The following KIF13A variants were observed in gnomAD, a reference collection of about 807,000 sequenced individuals.
KIF13A encodes the protein kinesin-like protein KIF13A.
In KIF13A, 79 loss-of-function variants were observed where a neutral mutation model predicts 212.2. The ratio of observed to expected loss-of-function variants is 0.37; its 90% CI spans 0.31 to 0.45. The LOEUF is 0.45. Ranked by LOEUF, KIF13A falls within the 20% of genes least tolerant of loss-of-function variation. KIF13A has a pLI of 1.00. For missense variants in KIF13A, 1,901 were observed against 2,209.0 expected, an observed-to-expected ratio of 0.86 and a Z score of 2.79; for synonymous variants, 789 against 808.6, an observed-to-expected ratio of 0.98 and a Z score of 0.41.
At chr6:17,979,267 T>C (rs1780849696) in intron 2 of KIF13A, among the ~76,000 whole-genome samples, 1 of 152,190 alleles carries the variant, frequency 6.6e-6, no homozygotes. Context: ...CACTCCAGCC[T>C]AGGCGACAGA....
chr6:17,781,594 G>C (rs1760585071), intron 29 of KIF13A, among the ~76,000 whole-genome samples: 1 of 149,968 alleles, frequency 6.7e-6, no homozygotes, highest in African/African-American at 2.4e-5. Context: ...CAATGTGCTG[G>C]GATTACAGGG....
At chr6:17,827,079 A>T (rs968527383) in intron 14 of KIF13A, among the ~76,000 whole-genome samples, 5 of 145,224 alleles carry the variant, frequency 3.4e-5, no homozygotes, top group Admixed American at 6.8e-5. Context: ...ATTAAAAAAA[A>T]AATAAATAAA....
chr6:17,833,166 C>T (rs977338005), intron 12 of KIF13A, among the ~76,000 whole-genome samples: 1 of 151,826 alleles, frequency 6.6e-6, no homozygotes, highest in South Asian at 2.1e-4. Flanking sequence ...CCAAACTGTA[C>T]ATTGATAAAA....
chr6:17,938,766 T>C (rs1206377488), intron 2 of KIF13A, among the ~76,000 whole-genome samples: 2 of 152,082 alleles, frequency 1.3e-5, no homozygotes, highest in Non-Finnish European at 2.9e-5. Context: ...AGGATTTCCT[T>C]AAATCATCAA....
At position 17,909,419 on chromosome 6, in the gene KIF13A, C is replaced by T. The variant is rs1472684616; in HGVS notation, c.147-11239G>A. 2.0e-5 allele frequency among the ~76,000 whole-genome samples: 3 copies of T among 151,620 alleles called. No individual in the cohort carries two copies. In the South Asian group the frequency reaches 6.2e-4, roughly 32 times the overall value. ...GGTGTGGTGGCGCGTGCCTGTAGATCCAGCTACTTGGGAGGTTGAGGCAGG... is the reference window on the plus strand; with the variant it reads ...GGTGTGGTGGCGCGTGCCTGTAGATTCAGCTACTTGGGAGGTTGAGGCAGG... On this transcript the variant is annotated intron_variant, in intron 2 of 38. Transcript: ENST00000259711.
rs1325078562 is a variant in KIF13A, at chr6:17,919,824, C to CCAG, written c.147-21647_147-21645dup. 6.6e-6 allele frequency among the ~76,000 whole-genome samples: 1 copy of CCAG among 152,134 alleles called. No individual in the cohort carries two copies. Among genetic ancestry groups the CCAG allele is most frequent in the Non-Finnish European group, 1.5e-5 (1 of 68,022 alleles). Reference sequence around the variant, plus strand: ...AAATAATGGATGCTCATGATGACATCCAGCAGCCTCTGGCTCTGCTACGAC... The same window carrying CCAG: ...AAATAATGGATGCTCATGATGACATCCAGCAGCAGCCTCTGGCTCTGCTACGAC... On this transcript the variant is annotated intron_variant, in intron 2 of 38. Transcript: ENST00000259711. The surrounding 1 kb of genome is among the most constrained non-coding windows in gnomAD (Gnocchi z 4.1).
At position 17,785,745 on chromosome 6, in the gene KIF13A, T is replaced by G; in HGVS notation, c.3362-104A>C. 2 of 1,195,246 alleles carry G rather than the reference T, an allele frequency of 1.7e-6. No homozygotes were observed. Among genetic ancestry groups the G allele is most frequent in the South Asian group, 1.5e-5 (1 of 67,990 alleles). The allele number at this position is 1,195,246 out of a possible 1,614,324, so 74.0% of individuals were successfully genotyped here. On this transcript the variant is annotated intron_variant, in intron 27 of 38. Transcript: ENST00000259711. This position sits in a 1 kb window ranked among gnomAD's most constrained non-coding sequence, Gnocchi z 5.8. ...CTGGGCAACATAGTGAGACCCCATC[T>G]CTACCAAAAAAAAAAAAATAGTTGG...
intron 4 of KIF13A, among the ~76,000 whole-genome samples, chr6:17,866,828 CATATATATATATATATATATATAT>C (rs60217235): frequency 4.8e-4 from 11 of 22,936 alleles, no homozygotes; most frequent in East Asian, 1.3e-3. Flanking sequence ...AAAAGCAGCG[CATATATATATATATATATATATAT>C]ATATATATAT....
chr6:17,872,050 A>G lies in KIF13A; in HGVS notation c.220+1327T>C, dbSNP rs957860579. On this transcript the variant is annotated intron_variant, in intron 4 of 38. Transcript: ENST00000259711. This position sits in a 1 kb window ranked among gnomAD's most constrained non-coding sequence, Gnocchi z 4.7. ...ATAAAAAGACAAATTAATTACAACC[A>G]ACATTATGAACTACTTACTCACTTT... Among the ~76,000 whole-genome samples, 1 of 152,218 alleles carries G rather than the reference A, an allele frequency of 6.6e-6. No homozygotes were observed. Among genetic ancestry groups the G allele is most frequent in the Non-Finnish European group, 1.5e-5 (1 of 68,036 alleles).
intron 2 of KIF13A, among the ~76,000 whole-genome samples, chr6:17,983,352 A>G (rs1051474276): frequency 1.3e-5 from 2 of 152,116 alleles, no homozygotes; most frequent in Non-Finnish European, 2.9e-5. Flanking sequence ...TAGGGATGAC[A>G]GCAGGGGTGA....
At chr6:17,775,492 A>T (rs1050090879) in intron 34 of KIF13A, among the ~76,000 whole-genome samples, 1 of 152,090 alleles carries the variant, frequency 6.6e-6, no homozygotes, top group Admixed American at 6.6e-5. Flanking sequence ...CTGCTTTTCC[A>T]TACAGGTTTT....
At chr6:17,812,264 T>A (rs750031919) in intron 17 of KIF13A, 3 of 152,130 alleles carry the variant, frequency 2.0e-5, no homozygotes, top group Admixed American at 6.6e-5. Flanking sequence ...GGGTTTGATG[T>A]ATGGATTATT....
At chr6:17,841,049 C>T (rs551215592) in intron 9 of KIF13A, among the ~76,000 whole-genome samples, 76 of 152,020 alleles carry the variant, frequency 5.0e-4, no homozygotes, top group Non-Finnish European at 5.1e-4. Flanking sequence ...TAACCTGCCT[C>T]CCGCATCCAG....
intron 9 of KIF13A, among the ~76,000 whole-genome samples, chr6:17,848,079 T>C (rs1213438746): frequency 6.6e-6 from 1 of 152,198 alleles, no homozygotes; most frequent in African/African-American, 2.4e-5. Context: ...CCCAAAGTGC[T>C]AGGATTACAG....
rs1371571581 is a variant in KIF13A at position 17,764,526 on chromosome 6, GCAC to G, written c.4999_5001del (p.Val1667del). 6.2e-7 allele frequency: 1 copy of G among 1,613,844 alleles called. No individual in the cohort carries two copies. Among genetic ancestry groups the G allele is most frequent in the Non-Finnish European group, 8.5e-7 (1 of 1,179,892 alleles). ...GCTAAGGCACTGTTTTCCTTGAGTG[GCAC>G]CACAATTATCTTGTCCTTTACCAAG... is the stretch of plus-strand genomic sequence containing the variant. On this transcript the variant is annotated inframe_deletion, in exon 39 of 39. Coordinates refer to ENST00000259711, the MANE Select transcript of KIF13A (RefSeq NM_022113.6). The surrounding 1 kb of genome is among the most constrained non-coding windows in gnomAD (Gnocchi z 5.1).
chr6:17,860,213 G>C (rs1003764928), intron 4 of KIF13A, among the ~76,000 whole-genome samples: 7 of 151,884 alleles, frequency 4.6e-5, no homozygotes, highest in African/African-American at 1.7e-4. Context: ...TTCTGAGATG[G>C]AGTCTTGTTC....
chr6:17,772,211 C>T lies in KIF13A; in HGVS notation c.4325-152G>A, dbSNP rs974098165. 6.6e-6 allele frequency among the ~76,000 whole-genome samples: 1 copy of T among 152,018 alleles called. No homozygotes were observed. Among genetic ancestry groups the T allele is most frequent in the Non-Finnish European group, 1.5e-5 (1 of 68,006 alleles). On this transcript the variant is annotated intron_variant, in intron 36 of 38. Coordinates refer to ENST00000259711, the MANE Select transcript of KIF13A (RefSeq NM_022113.6). The surrounding 1 kb of genome is among the most constrained non-coding windows in gnomAD (Gnocchi z 4.8). ...CTAAGCATTAAAACAGATGTATGCC[C>T]ACCCTGTGCAACATAGGGACACCAG...
In KIF13A at chr6:17,840,311, G is replaced by A. The variant is rs371397828; in HGVS notation, c.831-2728C>T. Reference sequence around the variant, plus strand: ...GTAACAATTTTATGAAAAAAATACTGTATGTGATAATAGAGGCAAGTAGGA... The same window carrying A: ...GTAACAATTTTATGAAAAAAATACTATATGTGATAATAGAGGCAAGTAGGA... On this transcript the variant is annotated intron_variant, in intron 9 of 38. Transcript: ENST00000259711. Among the ~76,000 whole-genome samples, 21 of 152,200 alleles carry A rather than the reference G, an allele frequency of 1.4e-4. 1 individual carries two copies. The highest frequency in any genetic ancestry group is 9.2e-4 in the Admixed American group (14 of 15,284).
intron 20 of KIF13A, among the ~76,000 whole-genome samples, chr6:17,801,457 G>A (rs1762469512): frequency 6.6e-6 from 1 of 152,148 alleles, no homozygotes; most frequent in South Asian, 2.1e-4. Flanking sequence ...AGCCGAGATC[G>A]CACCACTGTG....
Sources: gnomAD v4.1 joint callset for allele counts (sites outside exome capture counted in the v4.1 genomes callset) on GRCh38, gnomAD v4.1.1 for gene constraint, Gnocchi (gnomAD v3.1) non-coding constraint, MANE v1.5 for transcripts, NCBI Gene and HGNC (gene_info 2026-07-23, HGNC 2026-07-21) for gene names.